The following TNFSF18 variants were observed in gnomAD, a reference collection of about 807,000 sequenced individuals.
TNFSF18 encodes TNF superfamily member 18, also known as tumor necrosis factor ligand superfamily member 18.
TNFSF18 carries 6 observed loss-of-function variants against 9.6 expected under a neutral mutation model. The observed-to-expected ratio is 0.63, with a 90% confidence interval of 0.34 to 1.24. The LOEUF is 1.24. Ranked by LOEUF, TNFSF18 falls within the 50% of genes most tolerant of loss-of-function variation. The pLI is 0.03. For missense variants in TNFSF18, 210 were observed against 201.0 expected (o/e 1.04, Z -0.27); for synonymous variants, 68 against 71.7 (o/e 0.95, Z 0.26).
At chr1:173,043,152 A>G (rs1197160118) in intron 2 of TNFSF18, among the ~76,000 whole-genome samples, 1 of 152,110 alleles carries the variant, frequency 6.6e-6, no homozygotes, top group African/African-American at 2.4e-5. Context: ...CATTCCACTT[A>G]TGGGCAAAAC....
At chr1:173,048,731 G>A (rs981982705) in intron 1 of TNFSF18, among the ~76,000 whole-genome samples, 4 of 152,142 alleles carry the variant, frequency 2.6e-5, no homozygotes, top group African/African-American at 9.7e-5. Context: ...CTGGAAAGTG[G>A]GACTTTGTAT....
rs909018689 is a variant in TNFSF18, at chr1:173,039,725, T to C, written c.*1642A>G. ...AAGATTTTATAAGTATACATATATA[T>C]ACACACACACATATACACACACACA... On this transcript the variant is annotated 3_prime_UTR_variant, in exon 3 of 3. Coordinates refer to ENST00000404377, the MANE Select transcript of TNFSF18 (RefSeq NM_005092.4). Among the ~76,000 whole-genome samples the C allele has an allele frequency of 2.0e-5, 3 of 148,352 alleles. No individual in the cohort carries two copies. Among genetic ancestry groups the C allele is most frequent in the East Asian group, 1.9e-4 (1 of 5,136 alleles).
chr1:173,039,556 C>T lies in TNFSF18; in HGVS notation c.*1811G>A, dbSNP rs569150779. ...TTTGCCAATTTACATGGTATAAATA[C>T]TCCCACCATAGCCAATTTCAAGAAT... On this transcript the variant is annotated 3_prime_UTR_variant, in exon 3 of 3. Coordinates refer to ENST00000404377, the MANE Select transcript of TNFSF18 (RefSeq NM_005092.4). Among the ~76,000 whole-genome samples the T allele has an allele frequency of 1.3e-5, 2 of 152,132 alleles. No homozygotes were observed. Among genetic ancestry groups the T allele is most frequent in the Admixed American group, 1.3e-4 (2 of 15,272 alleles).
At position 173,050,874 on chromosome 1, in the gene TNFSF18, T is replaced by C. The variant is rs752882598; in HGVS notation, c.23A>G (p.Asn8Ser). The C allele has an allele frequency of 6.2e-6, 10 of 1,613,762 alleles. No homozygotes were observed. The highest frequency in any genetic ancestry group is 1.6e-4 in the Middle Eastern group (1 of 6,084). ...AGTTCTTGAATGGCTTAAAGGCATA[T>C]TTTCCAAGTGGCTCAAACACATTTT... MCLSHLE[N>S]MPLSHSRTQG... The change falls in exon 1 of 3, where the codon AAT (asparagine) becomes AGT (serine). Residue 8 changes from asparagine (N) to serine (S), a missense_variant. Asn to Ser is a conservative substitution (Grantham distance 46). Transcript: ENST00000404377.
rs915682357 is a variant in TNFSF18 at position 173,040,347 on chromosome 1, G to C, written c.*1020C>G. 5 of 152,130 alleles carry C rather than the reference G, an allele frequency of 3.3e-5. No individual in the cohort carries two copies. The highest frequency in any genetic ancestry group is 1.2e-4 in the African/African-American group (5 of 41,434). 9.4% of individuals were successfully genotyped at this position (152,130 alleles called of 1,614,324 possible). ...GCTAAGTTTTAGAGTCTTATAACAC[G>C]ATAGCAGAAATAACAATTCTAAAGC... On this transcript the variant is annotated 3_prime_UTR_variant, in exon 3 of 3. Transcript: ENST00000404377.
At chr1:173,044,255 A>ACCC (rs34959339) in intron 1 of TNFSF18, among the ~76,000 whole-genome samples, 58 of 141,358 alleles carry the variant, frequency 4.1e-4, no homozygotes, top group African/African-American at 1.5e-3. Context: ...TTGATATCGG[A>ACCC]CCCCCCCCCC....
intron 1 of TNFSF18, among the ~76,000 whole-genome samples, chr1:173,046,207 G>A (rs1203523862): frequency 1.3e-5 from 2 of 152,154 alleles, no homozygotes; most frequent in African/African-American, 4.8e-5. Flanking sequence ...AATCAGCATT[G>A]GAGGTTTTCC....
intron 1 of TNFSF18, among the ~76,000 whole-genome samples, chr1:173,049,926 AG>A (rs1247141236): frequency 6.6e-6 from 1 of 152,140 alleles, no homozygotes; most frequent in Non-Finnish European, 1.5e-5. Flanking sequence ...CCCATTCTCT[AG>A]GCCCACAGCT....
intron 1 of TNFSF18, among the ~76,000 whole-genome samples, chr1:173,049,590 A>C (rs1665137219): frequency 6.6e-6 from 1 of 152,152 alleles, no homozygotes; most frequent in African/African-American, 2.4e-5. Context: ...ACTCTAAATT[A>C]ATATCAATAG....
At chr1:173,044,030 T>C in intron 1 of TNFSF18, 61 bp from the exon 2 acceptor site, 2 of 1,478,532 alleles carry the variant, frequency 1.4e-6, no homozygotes, top group Admixed American at 1.7e-5. Flanking sequence ...ATTTTTTTGA[T>C]TGATTTATTT....
chr1:173,042,911 C>T (rs1571471371), intron 2 of TNFSF18, among the ~76,000 whole-genome samples: 3 of 152,190 alleles, frequency 2.0e-5, no homozygotes, highest in South Asian at 2.1e-4. Flanking sequence ...AATGAAAGAG[C>T]GATCACTAGA....
chr1:173,047,183 A>G (rs537963705), intron 1 of TNFSF18, among the ~76,000 whole-genome samples: 4 of 152,310 alleles, frequency 2.6e-5, no homozygotes, highest in Non-Finnish European at 1.5e-5. Flanking sequence ...GGCGTGAGCC[A>G]CTGTGCCTGG....
intron 1 of TNFSF18, among the ~76,000 whole-genome samples, chr1:173,044,263 C>A (rs944212825): frequency 1.3e-5 from 2 of 151,790 alleles, no homozygotes; most frequent in South Asian, 2.1e-4. Context: ...GGACCCCCCC[C>A]CCAACCTTGG....
Position 173,042,913 on chromosome 1 carries a change from A to T in TNFSF18, c.187+1026T>A, listed in dbSNP as rs79314587. On this transcript the variant is annotated intron_variant, in intron 2 of 2. Transcript: ENST00000404377. ...GATTCTGGAGGAGAATGAAAGAGCG[A>T]TCACTAGAACAAAAGACAAAGCCAC... Among the ~76,000 whole-genome samples the T allele has an allele frequency of 7.0e-3, 1,062 of 152,258 alleles. 13 individuals are homozygous for T. The highest frequency in any genetic ancestry group is 0.024 in the African/African-American group (1,010 of 41,556).
chr1:173,043,485 G>A (rs1305343323), intron 2 of TNFSF18, among the ~76,000 whole-genome samples: 3 of 152,128 alleles, frequency 2.0e-5, no homozygotes, highest in Admixed American at 2.0e-4. Context: ...AATAGTAGAG[G>A]AAGTGGCCAC....
At chr1:173,046,243 A>T (rs1390819494) in intron 1 of TNFSF18, among the ~76,000 whole-genome samples, 1 of 152,224 alleles carries the variant, frequency 6.6e-6, no homozygotes, top group East Asian at 1.9e-4. Flanking sequence ...TCATTAGAGT[A>T]TAATGAAGAT....
intron 1 of TNFSF18, among the ~76,000 whole-genome samples, chr1:173,045,172 A>G (rs1665059251): frequency 6.6e-6 from 1 of 152,156 alleles, no homozygotes; most frequent in African/African-American, 2.4e-5. Flanking sequence ...TTAAGCTCAT[A>G]GTTGATGTTT....
chr1:173,050,809 A>G lies in TNFSF18; in HGVS notation c.88T>C (p.Cys30Arg), dbSNP rs1306373342. ...AGAAATAGCAACATAACTATTGAGC[A>G]AAAGAGCCACAGCTTCCAGGATGAT... ...QRSSWKLWLFCSIVMLLFLCS... is the reference protein window; with the variant it reads ...QRSSWKLWLFRSIVMLLFLCS... The change falls in exon 1 of 3, where the codon TGC (cysteine) becomes CGC (arginine). Residue 30 changes from cysteine to arginine, a missense_variant. Physicochemically the swap from Cys to Arg is radical, Grantham distance 180 (BLOSUM62 -3). Coordinates refer to ENST00000404377, the MANE Select transcript of TNFSF18 (RefSeq NM_005092.4). 1.1e-5 allele frequency: 17 copies of G among 1,613,442 alleles called. No homozygotes were observed. Among genetic ancestry groups the G allele is most frequent in the Non-Finnish European group, 1.4e-5 (17 of 1,179,700 alleles).
chr1:173,050,315 C>T (rs930873340), intron 1 of TNFSF18, among the ~76,000 whole-genome samples: 8 of 152,158 alleles, frequency 5.3e-5, no homozygotes, highest in African/African-American at 1.9e-4. Flanking sequence ...ACACACAAAC[C>T]ACCTGTCATT....
Sources: allele counts gnomAD v4.1 joint callset (sites outside exome capture counted in the v4.1 genomes callset), GRCh38; gene constraint gnomAD v4.1.1; transcripts MANE v1.5; gene names NCBI Gene and HGNC (gene_info 2026-07-23, HGNC 2026-07-21).